The following DNAJC10 variants were observed in gnomAD, a reference collection of about 807,000 sequenced individuals.
DNAJC10 encodes the protein endoplasmic reticulum disulfide reductase DNAJC10.
In DNAJC10, 101 loss-of-function variants were observed where a neutral mutation model predicts 115.0. The ratio of observed to expected loss-of-function variants is 0.88; its 90% CI spans 0.75 to 1.04. The LOEUF is 1.04. Ranked by LOEUF, DNAJC10 falls within the 50% of genes least tolerant of loss-of-function variation. The pLI, the probability that DNAJC10 is intolerant of heterozygous loss-of-function variation, is 0.00. For synonymous variants in DNAJC10, 307 were observed against 301.5 expected (o/e 1.02, Z -0.19); for missense variants, 981 against 928.8 (o/e 1.06, Z -0.73).
intron 22 of DNAJC10, among the ~76,000 whole-genome samples, chr2:182,764,064 C>T (rs185149237): frequency 1.9e-3 from 288 of 152,148 alleles, no homozygotes; most frequent in Non-Finnish European, 2.4e-3. Flanking sequence ...GACAAATAGT[C>T]GTGATAAGCC....
At chr2:182,733,825 A>ATAGATAGATAGG (rs1553488430) in intron 10 of DNAJC10, among the ~76,000 whole-genome samples, 10 of 150,254 alleles carry the variant, frequency 6.7e-5, no homozygotes, top group African/African-American at 2.2e-4. Context: ...AGATAGATAG[A>ATAGATAGATAGG]TAGATTTTCT....
chr2:182,757,916 C>T, intron 19 of DNAJC10, 91 bp downstream of exon 19: 1 of 753,578 alleles, frequency 1.3e-6, no homozygotes, highest in Non-Finnish European at 2.0e-6. Flanking sequence ...AAAAGTTAAC[C>T]CAACAAATAT....
chr2:182,748,162 G>A (rs1182721936), intron 14 of DNAJC10, among the ~76,000 whole-genome samples: 167 of 149,772 alleles, frequency 1.1e-3, no homozygotes, highest in African/African-American at 3.8e-3. Context: ...TTGCATCAAT[G>A]TTCATCAAGG....
chr2:182,751,764 G>A lies in DNAJC10; in HGVS notation c.1413G>A (p.Trp471Ter). ...QNFPANDKEP[W>*]LVDFFAPWCP... ...TTCCTGCCAATGACAAAGAACCATG[G>A]CTTGTTGATTTCTTTGCCCCCGTAA... Residue 471 changes from tryptophan to a stop codon, truncating the protein, a stop_gained, in exon 15 of 24, where the codon TGG becomes TGA. Coordinates refer to ENST00000264065, the MANE Select transcript of DNAJC10 (RefSeq NM_018981.4). LOFTEE classifies it high-confidence loss of function. 6.2e-7 allele frequency: 1 copy of A among 1,613,568 alleles called. No individual in the cohort carries two copies.
chr2:182,739,580 A>T (rs773699036), intron 11 of DNAJC10: 3 of 1,217,888 alleles, frequency 2.5e-6, no homozygotes, highest in South Asian at 3.1e-5. Context: ...GCAGAGAGAG[A>T]GAGTTATATG....
chr2:182,728,692 A>C, intron 6 of DNAJC10, 34 bp downstream of exon 6: 1 of 1,566,342 alleles, frequency 6.4e-7, no homozygotes, highest in Non-Finnish European at 8.7e-7. Context: ...TACTAGTTTT[A>C]TTTCTAATTG....
At position 182,745,742 on chromosome 2, in the gene DNAJC10, TTTA is replaced by T. The variant is rs529362851; in HGVS notation, c.1306+2041_1306+2043del. 3.6e-3 allele frequency among the ~76,000 whole-genome samples: 547 copies of T among 152,002 alleles called. 1 individual carries two copies. The highest frequency in any genetic ancestry group is 6.2e-3 in the South Asian group (30 of 4,810). ...TTTTTTTATTTGAATTTTTTTTTAA[TTTA>T]TTATTATTATACTTCAAGTTTTAGG... is the stretch of plus-strand genomic sequence containing the variant. On this transcript the variant is annotated intron_variant, in intron 14 of 23. Transcript: ENST00000264065.
At chr2:182,739,656 C>G (rs888178969) in intron 11 of DNAJC10, 2 of 1,087,942 alleles carry the variant, frequency 1.8e-6, no homozygotes, top group African/African-American at 1.7e-5. Flanking sequence ...CTTTTATACT[C>G]GTTTGTGTTT....
rs567135940 is a variant in DNAJC10, at chr2:182,784,371, A to C, written c.*7239A>C. The C allele has an allele frequency of 3.9e-5, 6 of 152,220 alleles. No homozygotes were observed. The highest frequency in any genetic ancestry group is 3.9e-4 in the Admixed American group (6 of 15,274). The allele number at this position is 152,220 out of a possible 1,614,324, so 9.4% of individuals were successfully genotyped here. ...AAATCATTTTGTTGGTATTTTATAT[A>C]AACTTAAGAAACCTCCCCACACAAA... On this transcript the variant is annotated 3_prime_UTR_variant, in exon 24 of 24. Transcript: ENST00000264065.
At position 182,731,079 on chromosome 2, in the gene DNAJC10, G is replaced by A; in HGVS notation, c.777G>A (p.Trp259Ter). The A allele has an allele frequency of 1.2e-6, 2 of 1,612,694 alleles. No homozygotes were observed. Among genetic ancestry groups the A allele is most frequent in the African/African-American group, 1.3e-5 (1 of 74,970 alleles). ...CTGCTTTTGCTGCTGGTATTGGCTGGCTGATCACTTTTTGTTCAAAAGGAG... is the reference window on the plus strand; with the variant it reads ...CTGCTTTTGCTGCTGGTATTGGCTGACTGATCACTTTTTGTTCAAAAGGAG... ...IQTAFAAGIG[W>*]LITFCSKGGD... The change falls in exon 9 of 24, where the codon TGG becomes TGA. Residue 259 changes from tryptophan to a stop codon, truncating the protein, a stop_gained. Transcript: ENST00000264065. LOFTEE classifies it high-confidence loss of function.
chr2:182,758,697 C>T, intron 19 of DNAJC10, 140 bp from the exon 20 acceptor site: 1 of 636,148 alleles, frequency 1.6e-6, no homozygotes, highest in South Asian at 2.1e-5. Flanking sequence ...GAATTTGTAG[C>T]TAGGTATATT....
At chr2:182,721,930 A>AT (rs1004453115) in intron 4 of DNAJC10, 95 bp from the exon 5 acceptor site, 158 of 700,966 alleles carry the variant, frequency 2.3e-4, no homozygotes, top group Non-Finnish European at 3.2e-4. Flanking sequence ...TAGTAGTTTG[A>AT]TTTTTTTGAT....
intron 5 of DNAJC10, among the ~76,000 whole-genome samples, chr2:182,725,219 C>T (rs983647148): frequency 2.6e-5 from 4 of 152,142 alleles, no homozygotes; most frequent in African/African-American, 9.7e-5. Flanking sequence ...TCTTCCTTCT[C>T]CCTTTTCTCT....
At position 182,732,496 on chromosome 2, in the gene DNAJC10, C is replaced by T; in HGVS notation, c.806-3C>T. 3.1e-6 allele frequency: 5 copies of T among 1,613,038 alleles called. No individual in the cohort carries two copies. The highest frequency in any genetic ancestry group is 2.5e-6 in the Non-Finnish European group (3 of 1,179,360). On this transcript the variant is annotated splice_region_variant and splice_polypyrimidine_tract_variant and intron_variant, in intron 9 of 23. Coordinates refer to ENST00000264065, the MANE Select transcript of DNAJC10 (RefSeq NM_018981.4). The stretch of plus-strand genomic sequence containing the variant: ...CTGCCTCATAAGGTTTTTTTGTCCC[C>T]AGATTGTTTGACTTCACAGACACGA...
At chr2:182,734,743 A>C (rs1455629284) in intron 10 of DNAJC10, among the ~76,000 whole-genome samples, 4 of 151,604 alleles carry the variant, frequency 2.6e-5, no homozygotes, top group African/African-American at 9.7e-5. Context: ...ATGCTTTGTT[A>C]TTAGATGGAT....
chr2:182,762,059 C>T (rs542955932), intron 21 of DNAJC10, among the ~76,000 whole-genome samples: 1 of 151,844 alleles, frequency 6.6e-6, no homozygotes, highest in Admixed American at 6.6e-5. Flanking sequence ...GGTGAACTTA[C>T]AGCAGTTTCA....
At chr2:182,731,761 A>G (rs1355465863) in intron 9 of DNAJC10, among the ~76,000 whole-genome samples, 2 of 152,184 alleles carry the variant, frequency 1.3e-5, no homozygotes, top group African/African-American at 4.8e-5. Flanking sequence ...TTGAAAAGGT[A>G]CTGCCTTGTA....
At chr2:182,752,911 G>A (rs1260129162) in intron 16 of DNAJC10, among the ~76,000 whole-genome samples, 2 of 152,082 alleles carry the variant, frequency 1.3e-5, no homozygotes, top group Non-Finnish European at 1.5e-5. Flanking sequence ...AGACTTAAAA[G>A]ACTATCAGTC....
Position 182,720,103 on chromosome 2 carries a change from G to A in DNAJC10, c.301G>A (p.Glu101Lys). Residue 101 changes from glutamate (E) to lysine (K), a missense_variant, in exon 4 of 24, where the codon GAA (glutamate) becomes AAA (lysine). Physicochemically the swap from Glu to Lys is moderately conservative, Grantham distance 56 (BLOSUM62 1). Coordinates refer to ENST00000264065, the MANE Select transcript of DNAJC10 (RefSeq NM_018981.4). ...ACGGAAAAAGTATGACAAATATGGA[G>A]AAAAGGGACTTGAGGATAATCAAGG... The part of the protein sequence containing the change: ...DLRKKYDKYG[E>K]KGLEDNQGGQ... The A allele has an allele frequency of 6.2e-7, 1 of 1,612,086 alleles. No homozygotes were observed. Among genetic ancestry groups the A allele is most frequent in the Non-Finnish European group, 8.5e-7 (1 of 1,178,686 alleles).
Sources: allele counts gnomAD v4.1 joint callset (sites outside exome capture counted in the v4.1 genomes callset), GRCh38; gene constraint gnomAD v4.1.1; transcripts MANE v1.5; gene names NCBI Gene and HGNC (gene_info 2026-07-23, HGNC 2026-07-21).